ATP11C: variants seen among roughly 807,000 people sequenced by gnomAD.
The protein encoded by ATP11C is ATPase phospholipid transporting 11C (ATP11C blood group), also known as phospholipid-transporting ATPase IG.
ATP11C carries 36 observed loss-of-function variants against 97.4 expected under a neutral mutation model. That is an observed-to-expected ratio of 0.37 (90% CI 0.28 to 0.49). The LOEUF (loss-of-function observed/expected upper bound fraction) is 0.49, where lower values mean the gene tolerates loss of function less well. ATP11C is among the 20% of genes least tolerant of loss of function. The pLI, the probability that ATP11C is intolerant of heterozygous loss-of-function variation, is 0.98. For synonymous variants in ATP11C, 275 were observed against 290.9 expected (o/e 0.95, Z 0.56); for missense variants, 730 against 824.6 (o/e 0.89, Z 1.40).
At position 139,728,027 on chromosome X, in the gene ATP11C, T is replaced by C. The variant is rs1034411660; in HGVS notation, c.*939A>G. The C allele has an allele frequency of 1.3e-4, 15 of 112,435 alleles. No individual in the cohort carries two copies. Among genetic ancestry groups the C allele is most frequent in the African/African-American group, 4.8e-4 (15 of 30,960 alleles). The allele number at this position is 112,435 out of a possible 1,213,427, so 9.3% of individuals were successfully genotyped here. Reference sequence around the variant, plus strand: ...TTTCAAATAAAAACCGTCAAAAGTTTAAAATAAGCTATATTTCTTCCTCTT... The same window carrying C: ...TTTCAAATAAAAACCGTCAAAAGTTCAAAATAAGCTATATTTCTTCCTCTT... On this transcript the variant is annotated 3_prime_UTR_variant, in exon 30 of 30. Transcript: ENST00000682941.
At chrX:139,745,686 A>G in intron 25 of ATP11C, 36 bp downstream of exon 25, 2 of 1,185,774 alleles carry the variant, frequency 1.7e-6, no homozygotes, top group East Asian at 3.0e-5. Flanking sequence ...AGCCATGCTT[A>G]TAATACCAAA....
chrX:139,887,735 C>T (rs1487953889), intron 1 of ATP11C, among the ~76,000 whole-genome samples: 1 of 110,976 alleles, frequency 9.0e-6, no homozygotes, highest in African/African-American at 3.3e-5. Context: ...TTTGGGAGGC[C>T]AAGGTGGGCG....
Position 139,896,546 on chromosome X carries a change from TACACACACACACACACACACACACACAC to T in ATP11C, c.27+35442_27+35469del, listed in dbSNP as rs61153084. Reference sequence around the variant, plus strand: ...GAAGTATGAACTTCAGTTAATTTTATACACACACACACACACACACACACACACACACACACACACACACACACTTTTT... The same window carrying T: ...GAAGTATGAACTTCAGTTAATTTTATACACACACACACACACACACTTTTT... On this transcript the variant is annotated intron_variant, in intron 1 of 29. Coordinates refer to ENST00000682941, the MANE Select transcript of ATP11C (RefSeq NM_001353812.2). 7.5e-5 allele frequency among the ~76,000 whole-genome samples: 6 copies of T among 79,809 alleles called. No individual in the cohort carries two copies. The South Asian group carries it at 4.2e-3, about 56-fold the overall frequency. 69.3% of individuals were successfully genotyped at this position (79,809 alleles called of 115,157 possible).
chrX:139,883,304 T>C (rs1047491241), intron 1 of ATP11C, among the ~76,000 whole-genome samples: 9 of 109,981 alleles, frequency 8.2e-5, no homozygotes, highest in African/African-American at 3.0e-4. Flanking sequence ...TGGTCATTCC[T>C]GCTTGGACAC....
chrX:139,931,666 A>G (rs1407114728), intron 1 of ATP11C, among the ~76,000 whole-genome samples: 2 of 111,573 alleles, frequency 1.8e-5, no homozygotes, highest in Admixed American at 1.9e-4. Context: ...CTGAGAATAA[A>G]ACGCCATCTT....
chrX:139,774,564 C>T, intron 19 of ATP11C, 126 bp downstream of exon 19: 1 of 603,317 alleles, frequency 1.7e-6, no homozygotes, highest in Non-Finnish European at 2.5e-6. Context: ...ACGATTTTAA[C>T]TTATAAGGAT....
chrX:139,932,117 G>A lies in ATP11C; in HGVS notation c.-75C>T, dbSNP rs1332153776. 3 of 988,225 alleles carry A rather than the reference G, an allele frequency of 3.0e-6. No homozygotes were observed. In the East Asian group the frequency reaches 1.3e-4, roughly 41 times the overall value. 81.4% of individuals were successfully genotyped at this position (988,225 alleles called of 1,213,427 possible). ...GAAGGCGCCGTCCACAAAACACACT[G>A]CGGCGTGGGCCGGCGGCGCCAAGCG... On this transcript the variant is annotated 5_prime_UTR_variant, in exon 1 of 30. Transcript: ENST00000682941.
At position 139,816,882 on chromosome X, in the gene ATP11C, G is replaced by T. The variant is rs1345526332; in HGVS notation, c.299C>A (p.Thr100Asn). The change falls in exon 4 of 30, where the codon ACT becomes AAT. Residue 100 changes from threonine to asparagine, a missense_variant. Thr to Asn is a moderately conservative substitution (Grantham distance 65, BLOSUM62 0). Coordinates refer to ENST00000682941, the MANE Select transcript of ATP11C (RefSeq NM_001353812.2). ...ATTTACCTGCTTGATGGCTGTAACA[G>T]TTATAACAAAGAAAAGTGGAAGTCC... ...TSGLPLFFVI[T>N]VTAIKQGYED... 1 of 1,201,024 alleles carries T rather than the reference G, an allele frequency of 8.3e-7. No individual in the cohort carries two copies. Among genetic ancestry groups the T allele is most frequent in the East Asian group, 3.0e-5 (1 of 33,485 alleles).
intron 26 of ATP11C, 113 bp from the exon 27 acceptor site, chrX:139,741,207 G>T (rs2081548311): frequency 2.0e-6 from 1 of 489,113 alleles, no homozygotes; most frequent in African/African-American, 2.4e-5. Flanking sequence ...TCTAGCTTGG[G>T]CCAGGGATCC....
intron 2 of ATP11C, among the ~76,000 whole-genome samples, chrX:139,822,213 T>C (rs952035037): frequency 1.1e-4 from 12 of 112,321 alleles, no homozygotes; most frequent in South Asian, 3.6e-4. Flanking sequence ...TATTTATTTA[T>C]TGAAACAGAG....
chrX:139,927,147 G>A (rs1176834939), intron 1 of ATP11C, among the ~76,000 whole-genome samples: 1 of 111,910 alleles, frequency 8.9e-6, no homozygotes, highest in Non-Finnish European at 1.9e-5. Context: ...TATATCTATA[G>A]TTGTGTATGT....
intron 5 of ATP11C, among the ~76,000 whole-genome samples, chrX:139,811,691 G>A (rs1180903071): frequency 1.8e-5 from 2 of 110,140 alleles, no homozygotes; most frequent in African/African-American, 6.6e-5. Flanking sequence ...AAAGAGTTGT[G>A]GTTAAGAGCA....
chrX:139,922,235 TA>T (rs2085274536), intron 1 of ATP11C, among the ~76,000 whole-genome samples: 1 of 50,479 alleles, frequency 2.0e-5, no homozygotes, highest in African/African-American at 1.4e-4. Flanking sequence ...TATATATATA[TA>T]TATATATATA....
At chrX:139,876,139 AAAC>A (rs1259939838) in intron 1 of ATP11C, among the ~76,000 whole-genome samples, 1 of 111,775 alleles carries the variant, frequency 8.9e-6, no homozygotes, top group African/African-American at 3.3e-5. Flanking sequence ...CTGGGAAAAG[AAAC>A]AACAGCAAAT....
intron 1 of ATP11C, among the ~76,000 whole-genome samples, chrX:139,910,565 C>T (rs1281396584): frequency 1.9e-5 from 2 of 106,478 alleles, no homozygotes; most frequent in Non-Finnish European, 3.9e-5. Flanking sequence ...GAGATTCTGC[C>T]ATTGCACTCC....
intron 1 of ATP11C, among the ~76,000 whole-genome samples, chrX:139,870,693 T>C (rs2084358195): frequency 8.9e-6 from 1 of 112,515 alleles, no homozygotes; most frequent in Non-Finnish European, 1.9e-5. Context: ...CCATATGAAA[T>C]AATTTGTAAT....
intron 22 of ATP11C, among the ~76,000 whole-genome samples, chrX:139,759,978 G>C (rs936915771): frequency 8.9e-6 from 1 of 111,907 alleles, no homozygotes; most frequent in African/African-American, 3.3e-5. Flanking sequence ...AAATCTTCAA[G>C]GGATCTCCTA....
At chrX:139,878,119 T>G (rs1217100258) in intron 1 of ATP11C, among the ~76,000 whole-genome samples, 1 of 112,416 alleles carries the variant, frequency 8.9e-6, no homozygotes, top group Non-Finnish European at 1.9e-5. Context: ...GAATCTACCC[T>G]TTCTTAGCGT....
chrX:139,796,406 G>A lies in ATP11C; in HGVS notation c.1073C>T (p.Ser358Phe). Residue 358 changes from serine (S) to phenylalanine (F), a missense_variant, in exon 12 of 30, where the codon TCC (serine) becomes TTC (phenylalanine). Ser to Phe is a radical substitution (Grantham distance 155, BLOSUM62 -2). Coordinates refer to ENST00000682941, the MANE Select transcript of ATP11C (RefSeq NM_001353812.2). ...MVLFNFIIPV[S>F]MYVTVEMQKF... Reference sequence around the variant, plus strand: ...CTGCATTTCTACTGTGACGTACATGGAGACAGGAATGATAAAGTTGAATAG... The same window carrying A: ...CTGCATTTCTACTGTGACGTACATGAAGACAGGAATGATAAAGTTGAATAG... 8.3e-7 allele frequency: 1 copy of A among 1,205,328 alleles called. No homozygotes were observed. Among genetic ancestry groups the A allele is most frequent in the Non-Finnish European group, 1.1e-6 (1 of 890,326 alleles).
Sources: allele counts gnomAD v4.1 joint callset (sites outside exome capture counted in the v4.1 genomes callset), GRCh38; gene constraint gnomAD v4.1.1; transcripts MANE v1.5; gene names NCBI Gene and HGNC (gene_info 2026-07-23, HGNC 2026-07-21).